INO80: variants seen among roughly 807,000 people sequenced by gnomAD.
INO80 encodes chromatin-remodeling ATPase INO80.
INO80 carries 20 observed loss-of-function variants against 203.4 expected under a neutral mutation model. The ratio of observed to expected loss-of-function variants is 0.10; its 90% CI spans 0.07 to 0.14. The LOEUF is 0.14. INO80 is among the 10% of genes least tolerant of loss of function. The pLI, the probability that INO80 is intolerant of heterozygous loss-of-function variation, is 1.00. For synonymous variants in INO80, 726 were observed against 685.2 expected (o/e 1.06, Z -0.93); for missense variants, 1,419 against 1,914.4 (o/e 0.74, Z 4.83).
At position 41,116,103 on chromosome 15, in the gene INO80, T is replaced by A. The variant is rs974641182; in HGVS notation, c.-174A>T. ...CTCTCTGAGGCCGTGGGACGGTGAC[T>A]GCGTTGGGCGTGGACGCTCCTAGCT... On this transcript the variant is annotated 5_prime_UTR_variant, in exon 1 of 36. Coordinates refer to ENST00000648947, the MANE Select transcript of INO80 (RefSeq NM_017553.3). The A allele has an allele frequency of 2.5e-6, 1 of 397,208 alleles. No homozygotes were observed. Among genetic ancestry groups the A allele is most frequent in the Non-Finnish European group, 4.4e-6 (1 of 225,116 alleles). 24.6% of individuals were successfully genotyped at this position (397,208 alleles called of 1,614,324 possible).
At chr15:41,060,291 TAA>T (rs2045078554) in intron 14 of INO80, among the ~76,000 whole-genome samples, 2 of 152,110 alleles carry the variant, frequency 1.3e-5, no homozygotes, top group South Asian at 4.1e-4. Flanking sequence ...CACTTTTTCT[TAA>T]GAGATGTAAG....
At chr15:41,057,814 A>G (rs1489317492) in intron 16 of INO80, among the ~76,000 whole-genome samples, 1 of 150,036 alleles carries the variant, frequency 6.7e-6, no homozygotes, top group Non-Finnish European at 1.5e-5. Context: ...AAAAAAAAAA[A>G]AAAAAAGAAA....
intron 9 of INO80, among the ~76,000 whole-genome samples, chr15:41,075,782 G>A (rs771325777): frequency 1.5e-4 from 22 of 151,686 alleles, no homozygotes; most frequent in African/African-American, 4.8e-4. Flanking sequence ...TAGTAGAGAC[G>A]GGTTTCACCA....
At chr15:41,096,784 G>C (rs1169369902) in intron 1 of INO80, among the ~76,000 whole-genome samples, 3 of 152,164 alleles carry the variant, frequency 2.0e-5, no homozygotes, top group South Asian at 2.1e-4. Flanking sequence ...CTTCAAAATA[G>C]GTGCTGCCCT....
chr15:40,984,954 C>T (rs1893964902), intron 32 of INO80, among the ~76,000 whole-genome samples: 1 of 152,158 alleles, frequency 6.6e-6, no homozygotes, highest in South Asian at 2.1e-4. Flanking sequence ...TGACAGATGA[C>T]ACTGAGTGGT....
rs140523738 is a variant in INO80 at position 41,095,458 on chromosome 15, T to C, written c.381+143A>G. ...TGAATCCTCCAGATTTTCTCAATAA[T>C]CTCTTCAAAAAAACCACATCCAGTA... On this transcript the variant is annotated intron_variant, in intron 4 of 35. Transcript: ENST00000648947. The C allele has an allele frequency of 9.4e-5, 60 of 637,352 alleles. No homozygotes were observed. The African/African-American group carries it at 1.0e-3, about 11-fold the overall frequency. The allele number at this position is 637,352 out of a possible 1,614,324, so 39.5% of individuals were successfully genotyped here. A position where few individuals can be genotyped will look rare whatever the true frequency, so the allele number is the denominator to read the frequency against.
rs2140414578 is a variant in INO80, at chr15:40,987,829, T to C, written c.3716A>G (p.Lys1239Arg). ...TCTTGTGCTTACCTCACTCTTCTCCTTGGCTCTTTGCAGAATGCGTTCTTC... is the reference window on the plus strand; with the variant it reads ...TCTTGTGCTTACCTCACTCTTCTCCCTGGCTCTTTGCAGAATGCGTTCTTC... Reference protein sequence around the residue: ...TIEERILQRAKEKSEIQRMVI... With the variant: ...TIEERILQRAREKSEIQRMVI... The change falls in exon 30 of 36, where the codon AAG becomes AGG. Residue 1239 changes from lysine (K) to arginine (R), a missense_variant. Lys to Arg is a conservative substitution (Grantham distance 26, BLOSUM62 2). Around this residue, in one of 9 missense-constraint regions of INO80, gnomAD observed 65 missense variants for 186.7 expected, o/e 0.35. Coordinates refer to ENST00000648947, the MANE Select transcript of INO80 (RefSeq NM_017553.3). 6.2e-7 allele frequency: 1 copy of C among 1,613,992 alleles called. No individual in the cohort carries two copies. The highest frequency in any genetic ancestry group is 2.2e-5 in the East Asian group (1 of 44,884).
chr15:41,104,206 C>CAAAAAAAAAAAAAAAAAAAAAAAAAAAA (rs35510472), intron 1 of INO80, among the ~76,000 whole-genome samples: 1 of 41,522 alleles, frequency 2.4e-5, no homozygotes, highest in Non-Finnish European at 6.3e-5. Context: ...AACTCCATCT[C>CAAAAAAAAAAAAAAAAAAAAAAAAAAAA]AAAAAAAAAA....
chr15:41,037,416 C>A (rs1300459967), intron 24 of INO80, among the ~76,000 whole-genome samples: 1 of 151,208 alleles, frequency 6.6e-6, no homozygotes, highest in African/African-American at 2.4e-5. Flanking sequence ...AGGCAGGAGA[C>A]TACTTTGAAC....
At chr15:40,983,315 G>A (rs2140407039) in intron 34 of INO80, 1 of 519,494 alleles carries the variant, frequency 1.9e-6, no homozygotes, top group Middle Eastern at 5.3e-4. Flanking sequence ...CTGAAGAGCA[G>A]TTACATTACT....
intron 28 of INO80, among the ~76,000 whole-genome samples, chr15:40,998,259 G>A (rs1304897311): frequency 3.9e-5 from 6 of 151,932 alleles, no homozygotes; most frequent in Non-Finnish European, 7.4e-5. Flanking sequence ...CTGACCTCGT[G>A]ATCCGCCCGC....
rs563050928 is a variant in INO80, at chr15:41,007,543, G to A, written c.3403-1856C>T. On this transcript the variant is annotated intron_variant, in intron 27 of 35. Transcript: ENST00000648947. ...AAAGCATTGATGAATGAATCTTCTA[G>A]TAAATTTTGCTGTTTATATATTTAT... 1.3e-3 allele frequency among the ~76,000 whole-genome samples: 198 copies of A among 151,998 alleles called. 1 individual carries two copies. The South Asian group carries it at 0.019, about 15-fold the overall frequency.
rs965210383 is a variant in INO80 at position 41,076,311 on chromosome 15, G to A, written c.1132-1746C>T. Among the ~76,000 whole-genome samples, 251 of 152,150 alleles carry A rather than the reference G, an allele frequency of 1.6e-3. 1 individual carries two copies. Among genetic ancestry groups the A allele is most frequent in the African/African-American group, 5.8e-3 (242 of 41,524 alleles). Reference sequence around the variant, plus strand: ...AGGAGGAAAGGTTGCAGTGAGCCGAGGTCACGCCACTGCACTTCAGACTGG... The same window carrying A: ...AGGAGGAAAGGTTGCAGTGAGCCGAAGTCACGCCACTGCACTTCAGACTGG... On this transcript the variant is annotated intron_variant, in intron 9 of 35. Transcript: ENST00000648947.
Position 40,985,653 on chromosome 15 carries a change from T to C in INO80, c.3833-227A>G, listed in dbSNP as rs1489073412. Among the ~76,000 whole-genome samples the C allele has an allele frequency of 4.6e-5, 7 of 152,158 alleles. No individual in the cohort carries two copies. In the East Asian group the frequency reaches 1.3e-3, roughly 29 times the overall value. On this transcript the variant is annotated intron_variant, in intron 31 of 35. Coordinates refer to ENST00000648947, the MANE Select transcript of INO80 (RefSeq NM_017553.3). ...GGCTCGGTGTGGTGACTCACGTCTG[T>C]AATCCCAGCACTTTGGGAGGCTGGG...
intron 1 of INO80, among the ~76,000 whole-genome samples, chr15:41,111,785 A>C (rs1004650167): frequency 6.6e-6 from 1 of 152,054 alleles, no homozygotes; most frequent in Admixed American, 6.6e-5. Flanking sequence ...CCTGGGCTAC[A>C]AGAGCAAAAC....
intron 29 of INO80, among the ~76,000 whole-genome samples, chr15:40,991,822 G>A (rs2043820387): frequency 6.6e-6 from 1 of 151,858 alleles, no homozygotes; most frequent in Admixed American, 6.6e-5. Flanking sequence ...CGCCCAGGCT[G>A]GAGTGCAGTG....
intron 1 of INO80, among the ~76,000 whole-genome samples, chr15:41,108,014 C>T (rs1434044290): frequency 6.6e-6 from 1 of 150,954 alleles, no homozygotes; most frequent in Non-Finnish European, 1.5e-5. Context: ...GCAGGAGAAT[C>T]GCTTGAACTC....
intron 26 of INO80, among the ~76,000 whole-genome samples, chr15:41,020,337 T>A (rs1393804682): frequency 6.6e-6 from 1 of 152,192 alleles, no homozygotes; most frequent in African/African-American, 2.4e-5. Context: ...CGTGAGCCTA[T>A]GAATTATCTG....
chr15:41,083,026 C>A (rs2045507703), intron 7 of INO80, among the ~76,000 whole-genome samples: 2 of 151,866 alleles, frequency 1.3e-5, no homozygotes, highest in Non-Finnish European at 2.9e-5. Context: ...CTCACGTCTG[C>A]AATCCCGGCA....
Sources: gnomAD v4.1 joint callset for allele counts (sites outside exome capture counted in the v4.1 genomes callset) on GRCh38, gnomAD v4.1.1 for gene constraint, gnomAD v4.1.1 regional missense constraint, MANE v1.5 for transcripts, NCBI Gene and HGNC (gene_info 2026-07-23, HGNC 2026-07-21) for gene names.